CACNA2D4: variants seen among roughly 807,000 people sequenced by gnomAD.
CACNA2D4 encodes voltage-dependent calcium channel subunit alpha-2/delta-4.
Under a neutral mutation model 163.8 loss-of-function variants are expected in CACNA2D4, and 157 were observed. The ratio of observed to expected loss-of-function variants is 0.96; its 90% CI spans 0.84 to 1.09. CACNA2D4 has a LOEUF of 1.09. Among genes scored for constraint, CACNA2D4 ranks in the 50% least tolerant of loss-of-function variants. The pLI is 0.00. For missense variants in CACNA2D4, 1,410 were observed against 1,479.9 expected (o/e 0.95, Z 0.78); for synonymous variants, 598 against 586.9 (o/e 1.02, Z -0.27).
intron 26 of CACNA2D4, chr12:1,831,308 G>A: frequency 6.2e-7 from 1 of 1,613,772 alleles, no homozygotes; most frequent in Non-Finnish European, 8.5e-7. Flanking sequence ...ACCTGGACCT[G>A]TCCATCAACG....
chr12:1,852,421 T>C (rs1034885565), intron 23 of CACNA2D4, among the ~76,000 whole-genome samples: 1 of 152,076 alleles, frequency 6.6e-6, no homozygotes, highest in Admixed American at 6.6e-5. Context: ...TGTAATCCCA[T>C]CACTTTGGGA....
rs773458322 is a variant in CACNA2D4 at position 1,834,703 on chromosome 12, G to A, written c.2551+6036C>T. ...AGGGCGAGCACGAGGACCAGAAGCA[G>A]ATCTCTTCTGTGGCCTGAGCGCCCA... On this transcript the variant is annotated intron_variant, in intron 26 of 37. Coordinates refer to ENST00000382722, the MANE Select transcript of CACNA2D4 (RefSeq NM_172364.5). The surrounding 1 kb of genome is among the most constrained non-coding windows in gnomAD (Gnocchi z 7.6). 1 of 1,599,778 alleles carries A rather than the reference G, an allele frequency of 6.3e-7. No individual in the cohort carries two copies. Among genetic ancestry groups the A allele is most frequent in the Admixed American group, 1.7e-5 (1 of 59,842 alleles).
intron 30 of CACNA2D4, 27 bp from the exon 31 acceptor site, chr12:1,801,145 A>T: frequency 2.5e-6 from 4 of 1,597,790 alleles, no homozygotes; most frequent in Non-Finnish European, 3.4e-6. Flanking sequence ...GGCTGTGATG[A>T]GTCCAAAGCC....
intron 4 of CACNA2D4, among the ~76,000 whole-genome samples, chr12:1,909,261 G>A (rs78058350): frequency 1.3e-5 from 2 of 152,244 alleles, no homozygotes; most frequent in African/African-American, 2.4e-5. Flanking sequence ...GCGCGATCTC[G>A]GCTCACTGCA....
At chr12:1,803,343 G>A (rs2154445445) in intron 29 of CACNA2D4, among the ~76,000 whole-genome samples, 1 of 152,344 alleles carries the variant, frequency 6.6e-6, no homozygotes. Context: ...GCAGCTTCAG[G>A]ACAATAACCC....
intron 25 of CACNA2D4, among the ~76,000 whole-genome samples, chr12:1,841,356 T>C (rs1422828774): frequency 6.6e-6 from 1 of 152,222 alleles, no homozygotes; most frequent in Non-Finnish European, 1.5e-5. Context: ...TTTCACTTGC[T>C]TCTCAGCTGT....
chr12:1,799,542 G>T lies in CACNA2D4; in HGVS notation c.2995+133C>A. On this transcript the variant is annotated intron_variant, in intron 34 of 37. Transcript: ENST00000382722. This position sits in a 1 kb window ranked among gnomAD's most constrained non-coding sequence, Gnocchi z 4.7. ...CCCAGTCCCCCAACCCCCAGGAATG[G>T]TACTTTAAACCAGGAGAGCTCAGCC... The T allele has an allele frequency of 1.1e-6, 1 of 930,312 alleles. No individual in the cohort carries two copies. The highest frequency in any genetic ancestry group is 1.7e-6 in the Non-Finnish European group (1 of 599,726). 57.6% of individuals were successfully genotyped at this position (930,312 alleles called of 1,614,324 possible). A position where few individuals can be genotyped will look rare whatever the true frequency, so the allele number is the denominator to read the frequency against.
At chr12:1,907,840 C>G in intron 5 of CACNA2D4, 35 bp downstream of exon 5, 1 of 1,611,976 alleles carries the variant, frequency 6.2e-7, no homozygotes, top group Non-Finnish European at 8.5e-7. Context: ...GTGGGCGTGC[C>G]TGGTGAGTGT....
At chr12:1,840,485 T>C (rs1167239101) in intron 26 of CACNA2D4, among the ~76,000 whole-genome samples, 5 of 152,048 alleles carry the variant, frequency 3.3e-5, no homozygotes, top group Non-Finnish European at 5.9e-5. Flanking sequence ...CTGCAGTCTC[T>C]GTTCCGTGTG....
In CACNA2D4 at chr12:1,840,796, C is replaced by G. The variant is rs1434079612; in HGVS notation, c.2494G>C (p.Val832Leu). The G allele has an allele frequency of 6.2e-7, 1 of 1,613,820 alleles. No individual in the cohort carries two copies. The highest frequency in any genetic ancestry group is 2.2e-5 in the East Asian group (1 of 44,864). ...GPESAGEPMVVTASTAVAVTV... is the reference protein window; with the variant it reads ...GPESAGEPMVLTASTAVAVTV... The stretch of plus-strand genomic sequence containing the variant: ...ACCGCCACAGCTGTGCTTGCCGTCA[C>G]CACCATGGGTTCACCCGCACTTTCT... Residue 832 changes from valine (V) to leucine (L), a missense_variant, in exon 26 of 38, where the codon GTG becomes CTG. By Grantham distance (32) the Val-to-Leu change is conservative. Coordinates refer to ENST00000382722, the MANE Select transcript of CACNA2D4 (RefSeq NM_172364.5).
intron 6 of CACNA2D4, among the ~76,000 whole-genome samples, chr12:1,901,437 C>T (rs886796175): frequency 3.3e-5 from 5 of 151,622 alleles, no homozygotes; most frequent in African/African-American, 4.8e-5. Context: ...ACAAAATTGA[C>T]AAACCTTCAG....
rs1865717812 is a variant in CACNA2D4 at position 1,869,180 on chromosome 12, G to C, written c.1878+5424C>G. Reference sequence around the variant, plus strand: ...TGTACTGTGTCAAATTAGCTAAGCTGGAACTACACTTCCAGACTCAATGCC... The same window carrying C: ...TGTACTGTGTCAAATTAGCTAAGCTCGAACTACACTTCCAGACTCAATGCC... On this transcript the variant is annotated intron_variant, in intron 18 of 37. Transcript: ENST00000382722. This position sits in a 1 kb window ranked among gnomAD's most constrained non-coding sequence, Gnocchi z 4.7. Among the ~76,000 whole-genome samples the C allele has an allele frequency of 6.6e-6, 1 of 152,170 alleles. No homozygotes were observed. The highest frequency in any genetic ancestry group is 2.1e-4 in the South Asian group (1 of 4,826).
chr12:1,854,795 G>A (rs1050153730), intron 22 of CACNA2D4, among the ~76,000 whole-genome samples: 3 of 152,124 alleles, frequency 2.0e-5, no homozygotes, highest in African/African-American at 4.8e-5. Context: ...CTTTTTCCCA[G>A]TCTTTGCATG....
rs1224406193 is a variant in CACNA2D4 at position 1,883,308 on chromosome 12, C to G, written c.1352-308G>C. The stretch of plus-strand genomic sequence containing the variant: ...GGGGGTCAGCCTCTCCCTCTCCCAG[C>G]CTCGCCCTCCCACTTCCTCACAGGA... On this transcript the variant is annotated intron_variant, in intron 12 of 37. Transcript: ENST00000382722. The surrounding 1 kb of genome is among the most constrained non-coding windows in gnomAD (Gnocchi z 4.5). 6.6e-6 allele frequency among the ~76,000 whole-genome samples: 1 copy of G among 152,204 alleles called. No homozygotes were observed. The highest frequency in any genetic ancestry group is 2.4e-5 in the African/African-American group (1 of 41,438).
chr12:1,908,270 T>C (rs73595507), intron 4 of CACNA2D4, among the ~76,000 whole-genome samples: 2 of 152,362 alleles, frequency 1.3e-5, no homozygotes, highest in African/African-American at 4.8e-5. Flanking sequence ...ACAGTTGTCC[T>C]GACCGCTGCC....
In CACNA2D4 at chr12:1,829,832, G is replaced by A. The variant is rs1049725885; in HGVS notation, c.2551+10907C>T. On this transcript the variant is annotated intron_variant, in intron 26 of 37. Transcript: ENST00000382722. The surrounding 1 kb of genome is among the most constrained non-coding windows in gnomAD (Gnocchi z 4.2). ...GCTGGGTGGAACTGACCTCGGCTGG[G>A]CTGACCTGGTGGGGCTGAACTATTT... Among the ~76,000 whole-genome samples, 2 of 151,970 alleles carry A rather than the reference G, an allele frequency of 1.3e-5. No homozygotes were observed. Among genetic ancestry groups the A allele is most frequent in the Non-Finnish European group, 2.9e-5 (2 of 67,962 alleles).
chr12:1,899,788 T>G (rs1015255202), intron 6 of CACNA2D4, among the ~76,000 whole-genome samples: 6 of 152,156 alleles, frequency 3.9e-5, no homozygotes, highest in Admixed American at 3.9e-4. Flanking sequence ...GAAGCTAGTA[T>G]AATTTTGAAA....
chr12:1,879,890 G>A lies in CACNA2D4; in HGVS notation c.1486-9C>T. The A allele has an allele frequency of 6.3e-7, 1 of 1,588,188 alleles. No homozygotes were observed. Among genetic ancestry groups the A allele is most frequent in the Non-Finnish European group, 8.6e-7 (1 of 1,166,938 alleles). Reference sequence around the variant, plus strand: ...GCCTGCGAGCTGAGGAGCTGTAAGGGAGGGGAGAACAGGGGTCAGAAGGTG... The same window carrying A: ...GCCTGCGAGCTGAGGAGCTGTAAGGAAGGGGAGAACAGGGGTCAGAAGGTG... On this transcript the variant is annotated splice_polypyrimidine_tract_variant and intron_variant, in intron 13 of 37. Coordinates refer to ENST00000382722, the MANE Select transcript of CACNA2D4 (RefSeq NM_172364.5).
intron 29 of CACNA2D4, among the ~76,000 whole-genome samples, chr12:1,804,609 T>C (rs1037649875): frequency 1.3e-5 from 2 of 152,254 alleles, no homozygotes; most frequent in African/African-American, 2.4e-5. Context: ...TGACTTTAAT[T>C]ATGGCAGCCA....
Sources: allele counts gnomAD v4.1 joint callset (sites outside exome capture counted in the v4.1 genomes callset), GRCh38; gene constraint gnomAD v4.1.1; non-coding constraint Gnocchi (gnomAD v3.1); transcripts MANE v1.5; gene names NCBI Gene and HGNC (gene_info 2026-07-23, HGNC 2026-07-21).